RFTN2: variants seen among roughly 807,000 people sequenced by gnomAD.
RFTN2 encodes the protein raftlin family member 2, also known as raftlin-2.
Under a neutral mutation model 52.7 loss-of-function variants are expected in RFTN2, and 34 were observed. That is an observed-to-expected ratio of 0.64 (90% CI 0.49 to 0.86). RFTN2 has a LOEUF of 0.86. RFTN2 is among the 40% of genes least tolerant of loss of function. RFTN2 has a pLI of 0.00. For synonymous variants in RFTN2, 203 were observed against 217.7 expected, an observed-to-expected ratio of 0.93 and a Z score of 0.59; for missense variants, 536 against 600.1, an observed-to-expected ratio of 0.89 and a Z score of 1.12.
rs372644805 is a variant in RFTN2, at chr2:197,631,094, G to A, written c.845C>T (p.Ala282Val). 3 of 1,612,988 alleles carry A rather than the reference G, an allele frequency of 1.9e-6. No individual in the cohort carries two copies. In the African/African-American group the frequency reaches 4.0e-5, roughly 22 times the overall value. Residue 282 changes from alanine to valine, a missense_variant, in exon 5 of 9, where the codon GCT becomes GTT. Physicochemically the swap from Ala to Val is moderately conservative, Grantham distance 64 (BLOSUM62 0). Coordinates refer to ENST00000295049, the MANE Select transcript of RFTN2 (RefSeq NM_144629.3). ...AAAGGTAGTTAACTCCAGCCAATCA[G>A]CATCAAGTGTACTAATGACTGATCC... ...RKGSVISTLD[A>V]DWLELTTFYY...
intron 5 of RFTN2, among the ~76,000 whole-genome samples, chr2:197,625,483 T>C (rs1264030332): frequency 2.0e-5 from 3 of 152,152 alleles, no homozygotes; most frequent in African/African-American, 7.2e-5. Flanking sequence ...CGGGAGCATC[T>C]TTGAAGTAGA....
intron 1 of RFTN2, among the ~76,000 whole-genome samples, chr2:197,672,632 C>T (rs1283817520): frequency 6.6e-6 from 1 of 152,112 alleles, no homozygotes; most frequent in East Asian, 1.9e-4. Flanking sequence ...GTCCTTTGAT[C>T]CTTAAAACAA....
intron 7 of RFTN2, among the ~76,000 whole-genome samples, chr2:197,599,020 C>T (rs1211718524): frequency 1.3e-5 from 2 of 151,686 alleles, no homozygotes; most frequent in Admixed American, 6.6e-5. Flanking sequence ...GGCACGACCT[C>T]GGCTCACTGC....
intron 7 of RFTN2, among the ~76,000 whole-genome samples, chr2:197,614,513 G>A (rs753065573): frequency 6.6e-6 from 1 of 152,188 alleles, no homozygotes; most frequent in Non-Finnish European, 1.5e-5. Context: ...AGAGGACACT[G>A]AGCTGGTTAA....
chr2:197,653,055 A>T (rs1479941932), intron 1 of RFTN2, among the ~76,000 whole-genome samples: 1 of 152,220 alleles, frequency 6.6e-6, no homozygotes, highest in Admixed American at 6.5e-5. Flanking sequence ...AACTATCCAA[A>T]TAATAATAAC....
intron 3 of RFTN2, among the ~76,000 whole-genome samples, chr2:197,640,932 C>T (rs974428398): frequency 5.3e-5 from 8 of 152,148 alleles, no homozygotes; most frequent in Non-Finnish European, 1.2e-4. Flanking sequence ...TGAAGGCTGA[C>T]GTAGGGGACT....
intron 2 of RFTN2, among the ~76,000 whole-genome samples, chr2:197,645,467 T>C (rs964740089): frequency 2.0e-5 from 3 of 152,328 alleles, no homozygotes; most frequent in African/African-American, 7.2e-5. Context: ...TAAAGGGTTG[T>C]GTAAAAAAAT....
At position 197,570,825 on chromosome 2, in the gene RFTN2, A is replaced by C. The variant is rs1419172650; in HGVS notation, c.*1183T>G. The C allele has an allele frequency of 6.6e-6, 1 of 152,264 alleles. No homozygotes were observed. Among genetic ancestry groups the C allele is most frequent in the Non-Finnish European group, 1.5e-5 (1 of 68,040 alleles). The allele number at this position is 152,264 out of a possible 1,614,324, so 9.4% of individuals were successfully genotyped here. A position where few individuals can be genotyped will look rare whatever the true frequency, so the allele number is the denominator to read the frequency against. On this transcript the variant is annotated 3_prime_UTR_variant, in exon 9 of 9. Coordinates refer to ENST00000295049, the MANE Select transcript of RFTN2 (RefSeq NM_144629.3). The stretch of plus-strand genomic sequence containing the variant: ...CAATAAAAATGATGTTTTATTATTA[A>C]AATGATCTTACAATGTCAACATCAA...
intron 1 of RFTN2, among the ~76,000 whole-genome samples, chr2:197,663,088 A>G (rs2089001396): frequency 1.3e-5 from 2 of 152,142 alleles, no homozygotes; most frequent in African/African-American, 2.4e-5. Context: ...TTCTGCATCT[A>G]TTGAGATAAT....
At chr2:197,604,272 A>G (rs2106196815) in intron 7 of RFTN2, among the ~76,000 whole-genome samples, 1 of 152,228 alleles carries the variant, frequency 6.6e-6, no homozygotes, top group East Asian at 1.9e-4. Context: ...CTGCTTCTAG[A>G]AACTCACACA....
At chr2:197,673,450 T>A (rs1363414922) in intron 1 of RFTN2, among the ~76,000 whole-genome samples, 4 of 152,004 alleles carry the variant, frequency 2.6e-5, no homozygotes, top group Non-Finnish European at 5.9e-5. Flanking sequence ...AAGAAAAAAC[T>A]AAAACAAAAA....
chr2:197,587,042 GTTC>G (rs984837469), intron 8 of RFTN2, among the ~76,000 whole-genome samples: 10 of 152,076 alleles, frequency 6.6e-5, no homozygotes, highest in South Asian at 2.1e-4. Context: ...TTTAATACCT[GTTC>G]TTCTCCTCTT....
chr2:197,653,219 T>C (rs1321666124), intron 1 of RFTN2, among the ~76,000 whole-genome samples: 1 of 152,222 alleles, frequency 6.6e-6, no homozygotes, highest in African/African-American at 2.4e-5. Context: ...TCAATTAATA[T>C]CTGTTGAATG....
At chr2:197,609,381 C>A (rs1321822979) in intron 7 of RFTN2, among the ~76,000 whole-genome samples, 1 of 152,150 alleles carries the variant, frequency 6.6e-6, no homozygotes, top group Non-Finnish European at 1.5e-5. Context: ...CTATAATGAC[C>A]AGTGATGATG....
chr2:197,669,192 A>G (rs896490708), intron 1 of RFTN2, among the ~76,000 whole-genome samples: 11 of 152,228 alleles, frequency 7.2e-5, no homozygotes, highest in Non-Finnish European at 1.6e-4. Flanking sequence ...TATATGAAGG[A>G]CCAAATTATG....
chr2:197,608,025 A>G (rs1318201015), intron 7 of RFTN2, among the ~76,000 whole-genome samples: 1 of 152,200 alleles, frequency 6.6e-6, no homozygotes, highest in Non-Finnish European at 1.5e-5. Flanking sequence ...GTTTCTGCAA[A>G]ATTTAAATTA....
chr2:197,607,578 C>T (rs1352755639), intron 7 of RFTN2, among the ~76,000 whole-genome samples: 2 of 151,944 alleles, frequency 1.3e-5, no homozygotes, highest in African/African-American at 4.8e-5. Flanking sequence ...TTTATGTTAA[C>T]TTTTGCTTCA....
At chr2:197,630,382 T>TA (rs1169709067) in intron 5 of RFTN2, among the ~76,000 whole-genome samples, 2 of 152,198 alleles carry the variant, frequency 1.3e-5, no homozygotes, top group Non-Finnish European at 2.9e-5. Flanking sequence ...TTTCTTTTTT[T>TA]AACCCTCATC....
At chr2:197,578,605 C>T (rs1340860810) in intron 8 of RFTN2, among the ~76,000 whole-genome samples, 3 of 152,180 alleles carry the variant, frequency 2.0e-5, no homozygotes, top group Non-Finnish European at 4.4e-5. Flanking sequence ...AGAACAACCC[C>T]CTTTGACTGT....
Sources: allele counts gnomAD v4.1 joint callset (sites outside exome capture counted in the v4.1 genomes callset), GRCh38; gene constraint gnomAD v4.1.1; transcripts MANE v1.5; gene names NCBI Gene and HGNC (gene_info 2026-07-23, HGNC 2026-07-21).